ADAMTS6: variants seen among roughly 807,000 people sequenced by gnomAD.
The protein encoded by ADAMTS6 is A disintegrin and metalloproteinase with thrombospondin motifs 6.
Under a neutral mutation model 144.3 loss-of-function variants are expected in ADAMTS6, and 23 were observed. The observed-to-expected ratio is 0.16, with a 90% CI of 0.11 to 0.23. ADAMTS6 has a LOEUF of 0.23. Ranked by LOEUF, ADAMTS6 falls within the 10% of genes least tolerant of loss-of-function variation. ADAMTS6 has a pLI of 1.00. For synonymous variants in ADAMTS6, 444 were observed against 457.5 expected (o/e 0.97, Z 0.38); for missense variants, 999 against 1,379.6 (o/e 0.72, Z 4.37).
intron 3 of ADAMTS6, among the ~76,000 whole-genome samples, chr5:65,466,245 C>T (rs1027502922): frequency 6.6e-6 from 1 of 152,114 alleles, no homozygotes; most frequent in African/African-American, 2.4e-5. Flanking sequence ...TCCTTTCTGA[C>T]CTCAACTTCC....
intron 7 of ADAMTS6, among the ~76,000 whole-genome samples, chr5:65,367,784 T>G (rs942719421): frequency 6.6e-6 from 1 of 152,056 alleles, no homozygotes; most frequent in African/African-American, 2.4e-5. Context: ...TTCCTGAATA[T>G]TAATCTTGTT....
rs1021388093 is a variant in ADAMTS6 at position 65,151,565 on chromosome 5, C to T, written c.*271G>A. 6 of 386,900 alleles carry T rather than the reference C, an allele frequency of 1.6e-5. No individual in the cohort carries two copies. Among genetic ancestry groups the T allele is most frequent in the South Asian group, 1.9e-4 (2 of 10,346 alleles). 24.0% of individuals were successfully genotyped at this position (386,900 alleles called of 1,614,324 possible). A position where few individuals can be genotyped will look rare whatever the true frequency, so the allele number is the denominator to read the frequency against. On this transcript the variant is annotated 3_prime_UTR_variant, in exon 25 of 25. Transcript: ENST00000381055. ...GGATTTACTCGAAAGAACACAAACGCTCCACAGTAAGCAAGTCTCCCTGTG... is the reference window on the plus strand; with the variant it reads ...GGATTTACTCGAAAGAACACAAACGTTCCACAGTAAGCAAGTCTCCCTGTG...
At chr5:65,259,405 CAAACAAAA>C (rs1760970150) in intron 14 of ADAMTS6, among the ~76,000 whole-genome samples, 1 of 144,696 alleles carries the variant, frequency 6.9e-6, no homozygotes, top group Non-Finnish European at 1.5e-5. Context: ...AACAAACAAA[CAAACAAAA>C]AGAGTAGGAG....
chr5:65,325,668 A>AT (rs552868282), intron 9 of ADAMTS6, among the ~76,000 whole-genome samples: 1 of 151,814 alleles, frequency 6.6e-6, no homozygotes, highest in South Asian at 2.1e-4. Context: ...TAATTTCTGT[A>AT]TTTTTTGTAG....
intron 11 of ADAMTS6, among the ~76,000 whole-genome samples, chr5:65,277,857 G>A (rs1043994533): frequency 1.3e-5 from 2 of 151,988 alleles, no homozygotes; most frequent in African/African-American, 4.8e-5. Flanking sequence ...TTTCAATAAC[G>A]TTTGGGGTAC....
At chr5:65,338,881 T>C (rs1340491236) in intron 7 of ADAMTS6, among the ~76,000 whole-genome samples, 2 of 151,816 alleles carry the variant, frequency 1.3e-5, no homozygotes, top group Non-Finnish European at 2.9e-5. Context: ...CCAAGCCAGC[T>C]GAACATCCTT....
At chr5:65,374,371 G>C (rs1193070729) in intron 7 of ADAMTS6, among the ~76,000 whole-genome samples, 1 of 149,268 alleles carries the variant, frequency 6.7e-6, no homozygotes, top group Non-Finnish European at 1.5e-5. Context: ...CACTGTCTCA[G>C]CCCAAAATCT....
chr5:65,272,184 T>C lies in ADAMTS6; in HGVS notation c.1620+1156A>G, dbSNP rs34804221. 6.6e-3 allele frequency among the ~76,000 whole-genome samples: 1,002 copies of C among 152,338 alleles called. 4 individuals are homozygous for C. Among genetic ancestry groups the C allele is most frequent in the Non-Finnish European group, 0.012 (785 of 68,028 alleles). Reference sequence around the variant, plus strand: ...AACTCAGCATAATCCTTGTTGAAACTAGCCCAGCTAACATGGAAGAAGTCA... The same window carrying C: ...AACTCAGCATAATCCTTGTTGAAACCAGCCCAGCTAACATGGAAGAAGTCA... On this transcript the variant is annotated intron_variant, in intron 12 of 24. Coordinates refer to ENST00000381055, the MANE Select transcript of ADAMTS6 (RefSeq NM_197941.4).
intron 7 of ADAMTS6, among the ~76,000 whole-genome samples, chr5:65,340,866 AG>A (rs1315595992): frequency 1.3e-5 from 2 of 152,070 alleles, no homozygotes; most frequent in Non-Finnish European, 2.9e-5. Flanking sequence ...AAAATAATAA[AG>A]GGATCAATTC....
At chr5:65,421,451 G>GT (rs1180868299) in intron 7 of ADAMTS6, among the ~76,000 whole-genome samples, 2 of 152,190 alleles carry the variant, frequency 1.3e-5, no homozygotes, top group East Asian at 1.9e-4. Context: ...AGTCTGATAG[G>GT]TTTTCCTTTA....
chr5:65,217,005 G>T (rs193241247), intron 18 of ADAMTS6, among the ~76,000 whole-genome samples: 1 of 152,256 alleles, frequency 6.6e-6, no homozygotes, highest in East Asian at 1.9e-4. Flanking sequence ...CAGAGTCTCT[G>T]ACTCCCTAGA....
intron 7 of ADAMTS6, among the ~76,000 whole-genome samples, chr5:65,439,721 T>C (rs1280808282): frequency 6.6e-6 from 1 of 152,182 alleles, no homozygotes; most frequent in Admixed American, 6.5e-5. Flanking sequence ...GAGTATGAAC[T>C]GAAGATTAAA....
intron 7 of ADAMTS6, among the ~76,000 whole-genome samples, chr5:65,437,256 A>C (rs1044131406): frequency 2.0e-5 from 3 of 151,698 alleles, no homozygotes; most frequent in Non-Finnish European, 4.4e-5. Flanking sequence ...CACCACGCCC[A>C]GATAATTTTT....
At chr5:65,161,831 A>T (rs769442861) in intron 24 of ADAMTS6, among the ~76,000 whole-genome samples, 20 of 152,186 alleles carry the variant, frequency 1.3e-4, no homozygotes, top group Non-Finnish European at 2.1e-4. Flanking sequence ...TTGTACTTTA[A>T]ATCTAATTTT....
At chr5:65,360,326 C>T (rs75472193) in intron 7 of ADAMTS6, among the ~76,000 whole-genome samples, 6,751 of 152,140 alleles carry the variant, frequency 0.044, 285 homozygotes, top group African/African-American at 0.11. Context: ...TGTTAAACCA[C>T]AATAAATCAC....
At chr5:65,236,593 C>G (rs901670628) in intron 15 of ADAMTS6, among the ~76,000 whole-genome samples, 2 of 152,110 alleles carry the variant, frequency 1.3e-5, no homozygotes, top group African/African-American at 4.8e-5. Flanking sequence ...GGCCCATTCT[C>G]TAATCTTAAT....
In ADAMTS6 at chr5:65,389,960, T is replaced by C. The variant is rs1220691470; in HGVS notation, c.1074-55875A>G. On this transcript the variant is annotated intron_variant, in intron 7 of 24. Transcript: ENST00000381055. ...TTAATGAAAACAACAGGATGTAGAG[T>C]GTTCAAGAGAACTCTCAAAGCCCAA... Among the ~76,000 whole-genome samples, 3 of 152,154 alleles carry C rather than the reference T, an allele frequency of 2.0e-5. No homozygotes were observed. The East Asian group carries it at 5.8e-4, about 29-fold the overall frequency.
At chr5:65,295,726 G>A (rs1366163987) in intron 10 of ADAMTS6, among the ~76,000 whole-genome samples, 3 of 151,920 alleles carry the variant, frequency 2.0e-5, no homozygotes, top group Non-Finnish European at 4.4e-5. Flanking sequence ...CTCTATTTTT[G>A]TTTACGCTTC....
chr5:65,168,944 C>A (rs1263748211), intron 24 of ADAMTS6, among the ~76,000 whole-genome samples: 11 of 145,202 alleles, frequency 7.6e-5, no homozygotes, highest in Non-Finnish European at 1.7e-4. Flanking sequence ...AGAAGAAAAC[C>A]TAGGCGTTAC....
Sources: gnomAD v4.1 joint callset for allele counts (sites outside exome capture counted in the v4.1 genomes callset) on GRCh38, gnomAD v4.1.1 for gene constraint, MANE v1.5 for transcripts, NCBI Gene and HGNC (gene_info 2026-07-23, HGNC 2026-07-21) for gene names.